The following ST18 variants were observed in gnomAD, a reference collection of about 807,000 sequenced individuals.
ST18 encodes suppression of tumorigenicity 18 protein.
A neutral mutation model predicts 110.0 loss-of-function variants in ST18; 50 were observed. The ratio of observed to expected loss-of-function variants is 0.45; its 90% CI spans 0.36 to 0.58. The LOEUF (loss-of-function observed/expected upper bound fraction) is 0.58, where lower values mean the gene tolerates loss of function less well. Ranked by LOEUF, ST18 falls within the 20% of genes least tolerant of loss-of-function variation. The probability of loss-of-function intolerance (pLI) is 0.00; values close to 1 mark genes in which losing one functional copy is unlikely to be tolerated. For synonymous variants in ST18, 461 were observed against 452.4 expected (o/e 1.02, Z -0.24); for missense variants, 1,306 against 1,280.1 (o/e 1.02, Z -0.31).
intron 23 of ST18, among the ~76,000 whole-genome samples, chr8:52,119,138 T>G (rs1242466415): frequency 1.3e-5 from 2 of 152,182 alleles, no homozygotes; most frequent in East Asian, 3.9e-4. Flanking sequence ...CTTACTTATC[T>G]TCTTTGTGCT....
chr8:52,241,988 C>T (rs1249293162), intron 2 of ST18, among the ~76,000 whole-genome samples: 1 of 151,998 alleles, frequency 6.6e-6, no homozygotes, highest in Non-Finnish European at 1.5e-5. Flanking sequence ...AGTTTCTCTG[C>T]TAGGTACTGA....
chr8:52,303,647 G>A (rs1269106246), intron 2 of ST18, among the ~76,000 whole-genome samples: 1 of 152,182 alleles, frequency 6.6e-6, no homozygotes, highest in Non-Finnish European at 1.5e-5. Context: ...TCACTTCTGT[G>A]ATGTTCCTGC....
chr8:52,113,373 G>A (rs367645593), intron 25 of ST18, 35 bp from the exon 26 acceptor site: 1 of 1,609,918 alleles, frequency 6.2e-7, no homozygotes, highest in African/African-American at 1.3e-5. Context: ...CCCAATCACA[G>A]TGGTTCAGGC....
At chr8:52,232,268 C>T (rs1191549505) in intron 2 of ST18, among the ~76,000 whole-genome samples, 2 of 152,178 alleles carry the variant, frequency 1.3e-5, no homozygotes, top group Non-Finnish European at 2.9e-5. Flanking sequence ...ATCTTCCCTT[C>T]AGATGAAGCC....
In ST18 at chr8:52,163,544, C is replaced by T. The variant is rs144440993; in HGVS notation, c.1400+442G>A. On this transcript the variant is annotated intron_variant, in intron 13 of 25. Transcript: ENST00000689386. Reference sequence around the variant, plus strand: ...ATGGAATGAATTTTTGTTTTAAATACATTATATGTGTTTGTGGAACTGAAG... The same window carrying T: ...ATGGAATGAATTTTTGTTTTAAATATATTATATGTGTTTGTGGAACTGAAG... Among the ~76,000 whole-genome samples, 5 of 152,056 alleles carry T rather than the reference C, an allele frequency of 3.3e-5. No homozygotes were observed. In the East Asian group the frequency reaches 9.7e-4, roughly 29 times the overall value.
chr8:52,131,103 T>G (rs2049386020), intron 22 of ST18, among the ~76,000 whole-genome samples: 1 of 152,250 alleles, frequency 6.6e-6, no homozygotes, highest in Non-Finnish European at 1.5e-5. Flanking sequence ...CTGGAAGGCT[T>G]TATTTTCTGA....
intron 2 of ST18, among the ~76,000 whole-genome samples, chr8:52,261,995 C>T (rs2094708178): frequency 6.6e-6 from 1 of 152,182 alleles, no homozygotes; most frequent in Non-Finnish European, 1.5e-5. Flanking sequence ...AGATTGGGTA[C>T]AAAGTTTATT....
intron 2 of ST18, among the ~76,000 whole-genome samples, chr8:52,308,907 A>G (rs1429265122): frequency 6.6e-6 from 1 of 152,232 alleles, no homozygotes; most frequent in Non-Finnish European, 1.5e-5. Flanking sequence ...AAGTGTTGCA[A>G]GTAAGCTAGT....
intron 2 of ST18, among the ~76,000 whole-genome samples, chr8:52,255,188 G>A (rs899473164): frequency 2.0e-5 from 3 of 152,084 alleles, no homozygotes; most frequent in African/African-American, 2.4e-5. Flanking sequence ...GTCTCTGTGC[G>A]GCCCGGAGTG....
intron 8 of ST18, among the ~76,000 whole-genome samples, chr8:52,193,550 G>A (rs1439494904): frequency 1.3e-5 from 2 of 152,146 alleles, no homozygotes; most frequent in East Asian, 3.8e-4. Flanking sequence ...GCCCAGTCCC[G>A]CTTCCCTCAC....
intron 2 of ST18, among the ~76,000 whole-genome samples, chr8:52,292,320 G>A (rs966548867): frequency 1.2e-4 from 19 of 152,122 alleles, no homozygotes; most frequent in African/African-American, 4.3e-4. Flanking sequence ...ACGCCAGATG[G>A]TACCACATCA....
In ST18 at chr8:52,249,028, T is replaced by C. The variant is rs2094078823; in HGVS notation, c.-464-18951A>G. Among the ~76,000 whole-genome samples, 3 of 152,178 alleles carry C rather than the reference T, an allele frequency of 2.0e-5. No homozygotes were observed. In the South Asian group the frequency reaches 6.2e-4, roughly 31 times the overall value. ...ACTAAATTTAAAGTTGCCTCATACA[T>C]TTGAAAGTTTTCAAACCTGAACCAA... On this transcript the variant is annotated intron_variant, in intron 2 of 25. Coordinates refer to ENST00000689386, the MANE Select transcript of ST18 (RefSeq NM_001352837.2).
chr8:52,276,084 G>T (rs62499813), intron 2 of ST18, among the ~76,000 whole-genome samples: 36,534 of 125,192 alleles, frequency 0.29, 4,717 homozygotes, highest in Middle Eastern at 0.47. Flanking sequence ...ACACATGTAA[G>T]CCACACACCA....
chr8:52,346,194 C>T (rs1488709337), intron 2 of ST18, among the ~76,000 whole-genome samples: 2 of 150,802 alleles, frequency 1.3e-5, no homozygotes, highest in Non-Finnish European at 3.0e-5. Context: ...TATTATTACA[C>T]TTTAAGTTAA....
intron 2 of ST18, among the ~76,000 whole-genome samples, chr8:52,388,866 A>G (rs974953868): frequency 3.3e-5 from 5 of 150,302 alleles, no homozygotes; most frequent in South Asian, 2.1e-4. Context: ...CCTAATGCTA[A>G]ATGATGAGTT....
At chr8:52,197,818 A>C (rs2076654807) in intron 8 of ST18, among the ~76,000 whole-genome samples, 1 of 152,086 alleles carries the variant, frequency 6.6e-6, no homozygotes, top group South Asian at 2.1e-4. Context: ...ACCCTCAGAG[A>C]AACAGCCTAG....
At chr8:52,208,386 A>G (rs2080883712) in intron 8 of ST18, among the ~76,000 whole-genome samples, 1 of 152,222 alleles carries the variant, frequency 6.6e-6, no homozygotes. Context: ...AAACCTGTGG[A>G]AAAAATTGGA....
At chr8:52,370,768 C>T (rs567720260) in intron 2 of ST18, among the ~76,000 whole-genome samples, 43 of 152,242 alleles carry the variant, frequency 2.8e-4, no homozygotes, top group South Asian at 1.5e-3. Context: ...GGGGCTCTTA[C>T]TCATTGTCTC....
At chr8:52,399,235 G>T (rs1459693726) in intron 2 of ST18, among the ~76,000 whole-genome samples, 1 of 151,890 alleles carries the variant, frequency 6.6e-6, no homozygotes, top group Non-Finnish European at 1.5e-5. Flanking sequence ...CAATTGTTCA[G>T]AATAGTTCCT....
Sources: gnomAD v4.1 joint callset for allele counts (sites outside exome capture counted in the v4.1 genomes callset) on GRCh38, gnomAD v4.1.1 for gene constraint, MANE v1.5 for transcripts, NCBI Gene and HGNC (gene_info 2026-07-23, HGNC 2026-07-21) for gene names.